RAD51B: variants seen among roughly 807,000 people sequenced by gnomAD.
RAD51B encodes the protein RAD51 paralog B, also known as DNA repair protein RAD51 homolog 2.
A neutral mutation model predicts 42.2 loss-of-function variants in RAD51B; 38 were observed. That is an observed-to-expected ratio of 0.90 (90% CI 0.70 to 1.18). The LOEUF is 1.18. RAD51B is among the 50% of genes most tolerant of loss of function. The probability of loss-of-function intolerance (pLI) is 0.00; values close to 1 mark genes in which losing one functional copy is unlikely to be tolerated. For synonymous variants in RAD51B, 154 were observed against 145.2 expected (o/e 1.06, Z -0.43); for missense variants, 373 against 400.7 (o/e 0.93, Z 0.59).
At chr14:68,638,249 C>T (rs1238101622) in intron 10 of RAD51B, among the ~76,000 whole-genome samples, 7 of 152,284 alleles carry the variant, frequency 4.6e-5, no homozygotes, top group South Asian at 2.1e-4. Flanking sequence ...CTGGAGGAGG[C>T]GAATGAGCTT....
At chr14:67,936,062 A>G (rs2044932432) in intron 7 of RAD51B, among the ~76,000 whole-genome samples, 2 of 152,228 alleles carry the variant, frequency 1.3e-5, no homozygotes, top group African/African-American at 4.8e-5. Context: ...AGCCTTCAAA[A>G]AACAAAAATT....
At chr14:68,268,380 A>C (rs1239954095) in intron 7 of RAD51B, among the ~76,000 whole-genome samples, 1 of 152,138 alleles carries the variant, frequency 6.6e-6, no homozygotes, top group Non-Finnish European at 1.5e-5. Context: ...TCCCATGTAC[A>C]TTTTGTATCT....
intron 7 of RAD51B, among the ~76,000 whole-genome samples, chr14:68,020,484 G>C (rs2075846289): frequency 6.6e-6 from 1 of 151,892 alleles, no homozygotes; most frequent in Non-Finnish European, 1.5e-5. Flanking sequence ...AATTACACTA[G>C]AAATACACTT....
intron 7 of RAD51B, among the ~76,000 whole-genome samples, chr14:67,934,740 C>T (rs2044871603): frequency 6.6e-6 from 1 of 152,034 alleles, no homozygotes; most frequent in Non-Finnish European, 1.5e-5. Flanking sequence ...GAAAATTAGC[C>T]CCTTGAGGGC....
At chr14:68,297,291 A>G (rs553284177) in intron 8 of RAD51B, among the ~76,000 whole-genome samples, 12 of 152,304 alleles carry the variant, frequency 7.9e-5, no homozygotes, top group Non-Finnish European at 1.8e-4. Context: ...TTACTGCAGG[A>G]TGTTTGAAAA....
intron 10 of RAD51B, among the ~76,000 whole-genome samples, chr14:68,513,905 G>A (rs1263047435): frequency 6.6e-6 from 1 of 152,204 alleles, no homozygotes; most frequent in African/African-American, 2.4e-5. Context: ...TCTATTGGAC[G>A]TGAGATGTAG....
At chr14:68,389,058 A>T (rs954633325) in intron 8 of RAD51B, among the ~76,000 whole-genome samples, 2 of 152,140 alleles carry the variant, frequency 1.3e-5, no homozygotes, top group Non-Finnish European at 2.9e-5. Context: ...CTTCTTCTAG[A>T]CTTCTTGACA....
intron 10 of RAD51B, chr14:68,562,959 T>C (rs755150703): frequency 1.9e-5 from 19 of 985,314 alleles, no homozygotes; most frequent in East Asian, 2.3e-4. Flanking sequence ...GAAGCAATAG[T>C]GTGCTCCACG....
At chr14:68,460,875 AG>A (rs951237853) in intron 9 of RAD51B, among the ~76,000 whole-genome samples, 36 of 152,324 alleles carry the variant, frequency 2.4e-4, no homozygotes, top group African/African-American at 7.9e-4. Flanking sequence ...AACTCTGGGA[AG>A]AGGGAACCAG....
At chr14:68,383,409 A>G (rs1210596508) in intron 8 of RAD51B, among the ~76,000 whole-genome samples, 1 of 152,190 alleles carries the variant, frequency 6.6e-6, no homozygotes, top group African/African-American at 2.4e-5. Flanking sequence ...GGTCCCTCCA[A>G]CCAAGACTTA....
intron 2 of RAD51B, among the ~76,000 whole-genome samples, chr14:67,824,868 G>C (rs1167676654): frequency 1.3e-5 from 2 of 151,538 alleles, no homozygotes; most frequent in Non-Finnish European, 2.9e-5. Context: ...CATGAGGTCA[G>C]GAGTTCGAGA....
chr14:68,648,043 GTATATAGATGTGTGTGTGTATA>G (rs1892604138), intron 10 of RAD51B, among the ~76,000 whole-genome samples: 1 of 52,886 alleles, frequency 1.9e-5, no homozygotes, highest in Admixed American at 2.2e-4. Context: ...ATATACACAC[GTATATAGATGTGTGTGTGTATA>G]TATATATACA....
chr14:68,322,813 C>T (rs2082179949), intron 8 of RAD51B, among the ~76,000 whole-genome samples: 1 of 152,062 alleles, frequency 6.6e-6, no homozygotes, highest in South Asian at 2.1e-4. Flanking sequence ...GTTGGGGAGT[C>T]TACTGGGATT....
chr14:68,423,451 CTG>C (rs2084758994), intron 9 of RAD51B, among the ~76,000 whole-genome samples: 1 of 152,106 alleles, frequency 6.6e-6, no homozygotes, highest in South Asian at 2.1e-4. Flanking sequence ...CACGAAAACT[CTG>C]AGGTGGGTAT....
chr14:68,009,113 A>ATGGAGTTTTAAT, intron 7 of RAD51B, among the ~76,000 whole-genome samples: 1 of 152,040 alleles, frequency 6.6e-6, no homozygotes, highest in East Asian at 1.9e-4. Flanking sequence ...TTTAATTGTA[A>ATGGAGTTTTAAT]TGGAGTTTTA....
At chr14:68,551,103 G>A (rs761056842) in intron 10 of RAD51B, among the ~76,000 whole-genome samples, 15 of 151,958 alleles carry the variant, frequency 9.9e-5, no homozygotes, top group East Asian at 1.9e-4. Context: ...CCATTCTTCC[G>A]GAGGCCTGGC....
At chr14:68,380,416 G>T (rs556184842) in intron 8 of RAD51B, among the ~76,000 whole-genome samples, 2 of 152,286 alleles carry the variant, frequency 1.3e-5, no homozygotes, top group South Asian at 4.2e-4. Context: ...AACAGTTGTG[G>T]TTAGTGCCCC....
intron 7 of RAD51B, among the ~76,000 whole-genome samples, chr14:68,001,172 C>T (rs2075475538): frequency 6.6e-6 from 1 of 152,006 alleles, no homozygotes; most frequent in African/African-American, 2.4e-5. Context: ...TATTTAAAGT[C>T]CAGCAAAACT....
chr14:68,393,455 A>G (rs1170294699), intron 8 of RAD51B, among the ~76,000 whole-genome samples: 1 of 152,228 alleles, frequency 6.6e-6, no homozygotes, highest in Non-Finnish European at 1.5e-5. Context: ...AGCCTTGGGC[A>G]TCTTCTATCC....
Sources: gnomAD v4.1 joint callset for allele counts (sites outside exome capture counted in the v4.1 genomes callset) on GRCh38, gnomAD v4.1.1 for gene constraint, MANE v1.5 for transcripts, NCBI Gene and HGNC (gene_info 2026-07-23, HGNC 2026-07-21) for gene names.